Variants in KIZ observed in about 807,000 individuals in gnomAD.
The protein encoded by KIZ is centrosomal protein kizuna.
A neutral mutation model predicts 79.6 loss-of-function variants in KIZ; 68 were observed. That is an observed-to-expected ratio of 0.85 (90% confidence interval 0.70 to 1.05). The LOEUF (loss-of-function observed/expected upper bound fraction) is 1.05. Ranked by LOEUF, KIZ falls within the 50% of genes least tolerant of loss-of-function variation. The probability of loss-of-function intolerance (pLI) is 0.00; values close to 1 mark genes in which losing one functional copy is unlikely to be tolerated. For missense variants in KIZ, 797 were observed against 800.4 expected (o/e 1.00, Z 0.05); for synonymous variants, 280 against 281.8 (o/e 0.99, Z 0.06).
intron 6 of KIZ, among the ~76,000 whole-genome samples, chr20:21,173,764 T>G (rs1480297105): frequency 6.6e-6 from 1 of 152,018 alleles, no homozygotes; most frequent in Non-Finnish European, 1.5e-5. Context: ...TTTGGGTATG[T>G]TAGATTTGAG....
At chr20:21,209,115 T>A (rs542638113) in intron 7 of KIZ, among the ~76,000 whole-genome samples, 1 of 152,322 alleles carries the variant, frequency 6.6e-6, no homozygotes, top group East Asian at 1.9e-4. Flanking sequence ...GTAAATGATG[T>A]TTCCCTGTGA....
chr20:21,213,276 TCCGGGCCTTCCGA>T (rs1032386769), intron 7 of KIZ, among the ~76,000 whole-genome samples: 6 of 150,168 alleles, frequency 4.0e-5, no homozygotes, highest in African/African-American at 1.5e-4. Context: ...GGGCCTTCCG[TCCGGGCCTTCCGA>T]CCGGACCTTC....
intron 9 of KIZ, among the ~76,000 whole-genome samples, chr20:21,222,384 T>G (rs921026030): frequency 2.6e-5 from 4 of 152,184 alleles, no homozygotes; most frequent in Admixed American, 2.0e-4. Context: ...GCATAAGTAC[T>G]TTATAACACA....
At chr20:21,188,999 C>A (rs550001396) in intron 6 of KIZ, among the ~76,000 whole-genome samples, 2 of 151,840 alleles carry the variant, frequency 1.3e-5, no homozygotes, top group Non-Finnish European at 2.9e-5. Flanking sequence ...TGAGCCACCC[C>A]GCCCAGCCTG....
At chr20:21,126,041 T>G, upstream of KIZ, 9 of 1,407,356 alleles carry the variant, frequency 6.4e-6, no homozygotes, top group Non-Finnish European at 7.4e-6. Context: ...CGGTGCATGG[T>G]GGGGCGGTCT....
chr20:21,137,721 A>AG (rs2032278538), intron 3 of KIZ, among the ~76,000 whole-genome samples: 1 of 152,060 alleles, frequency 6.6e-6, no homozygotes, highest in South Asian at 2.1e-4. Flanking sequence ...TCCTAAATGC[A>AG]GGGACAGTCT....
chr20:21,220,683 G>A (rs536880340), intron 9 of KIZ, among the ~76,000 whole-genome samples: 39 of 152,100 alleles, frequency 2.6e-4, no homozygotes, highest in African/African-American at 8.2e-4. Context: ...GTTTTGCCCC[G>A]TTTGCCAGGC....
chr20:21,132,315 C>G (rs576003713), intron 2 of KIZ, among the ~76,000 whole-genome samples, 156 bp downstream of exon 2: 2 of 152,170 alleles, frequency 1.3e-5, no homozygotes, highest in South Asian at 4.1e-4. Context: ...CTCTTTCGCT[C>G]AGGCTGGAGT....
At chr20:21,183,782 G>A (rs2034758460) in intron 6 of KIZ, among the ~76,000 whole-genome samples, 1 of 152,134 alleles carries the variant, frequency 6.6e-6, no homozygotes, top group South Asian at 2.1e-4. Flanking sequence ...ATGCAGCCCA[G>A]TGGTAGACAG....
At chr20:21,128,188 T>A (rs1462510886) in intron 1 of KIZ, among the ~76,000 whole-genome samples, 1 of 152,178 alleles carries the variant, frequency 6.6e-6, no homozygotes, top group Non-Finnish European at 1.5e-5. Flanking sequence ...AATTTTTGTA[T>A]TTTTAGTGGA....
intron 6 of KIZ, among the ~76,000 whole-genome samples, chr20:21,188,676 T>TTTTTTTTA: frequency 7.0e-6 from 1 of 141,882 alleles, no homozygotes; most frequent in South Asian, 2.2e-4. Context: ...TTGCATTTTA[T>TTTTTTTTA]TTTATTTATT....
At chr20:21,213,799 C>T (rs2236128) in intron 7 of KIZ, 56,178 of 152,036 alleles carry the variant, frequency 0.37, 10,893 homozygotes, top group African/African-American at 0.48. Context: ...CTGATAAAAA[C>T]CTGTGTCCTC....
chr20:21,237,773 C>A (rs1451279045), intron 11 of KIZ, among the ~76,000 whole-genome samples: 1 of 152,204 alleles, frequency 6.6e-6, no homozygotes, highest in Non-Finnish European at 1.5e-5. Flanking sequence ...CATCTGTAGT[C>A]AGGGCTAGAA....
At chr20:21,209,366 C>T (rs926183295) in intron 7 of KIZ, among the ~76,000 whole-genome samples, 2 of 152,162 alleles carry the variant, frequency 1.3e-5, no homozygotes, top group Admixed American at 6.5e-5. Context: ...TATTACTTTT[C>T]TCCCAAGTGA....
At chr20:21,140,057 C>T (rs1377469175) in intron 3 of KIZ, among the ~76,000 whole-genome samples, 2 of 152,186 alleles carry the variant, frequency 1.3e-5, no homozygotes, top group Non-Finnish European at 2.9e-5. Flanking sequence ...GTGATCCCAT[C>T]TTCTTCAGCA....
intron 11 of KIZ, among the ~76,000 whole-genome samples, chr20:21,243,851 T>C (rs970810492): frequency 6.6e-6 from 1 of 152,204 alleles, no homozygotes; most frequent in African/African-American, 2.4e-5. Flanking sequence ...AGTGTTTCAT[T>C]TTTAGCTTGC....
intron 6 of KIZ, among the ~76,000 whole-genome samples, chr20:21,163,545 G>A (rs1029430960): frequency 6.6e-6 from 1 of 152,140 alleles, no homozygotes; most frequent in Non-Finnish European, 1.5e-5. Context: ...AACTTACTAG[G>A]AATGCAGCAT....
chr20:21,205,502 C>T lies in KIZ; in HGVS notation c.1364C>T (p.Thr455Ile). The change falls in exon 7 of 13, where the codon ACA becomes ATA. Residue 455 changes from threonine (T) to isoleucine (I), a missense_variant. Transcript: ENST00000619189. ...TTTCTGTTTTATAGACCTGGACAAA[C>T]ACCAGACTCAGACGTACCGAGGGCA... ...TNAPTREPGQ[T>I]PDSDVPRAQV... The T allele has an allele frequency of 6.7e-7, 1 of 1,492,800 alleles. No homozygotes were observed. The highest frequency in any genetic ancestry group is 1.8e-5 in the Admixed American group (1 of 55,016). 92.5% of individuals were successfully genotyped at this position (1,492,800 alleles called of 1,614,324 possible).
At chr20:21,170,075 T>C (rs1305115045) in intron 6 of KIZ, among the ~76,000 whole-genome samples, 1 of 152,158 alleles carries the variant, frequency 6.6e-6, no homozygotes, top group African/African-American at 2.4e-5. Context: ...CTTATTTGGG[T>C]AAATACCAAG....
Sources: gnomAD v4.1 joint callset for allele counts (sites outside exome capture counted in the v4.1 genomes callset) on GRCh38, gnomAD v4.1.1 for gene constraint, MANE v1.5 for transcripts, NCBI Gene and HGNC (gene_info 2026-07-23, HGNC 2026-07-21) for gene names.